SMAD1: variants seen among roughly 807,000 people sequenced by gnomAD.
SMAD1 encodes the protein SMAD family member 1, also known as MAD, mothers against decapentaplegic homolog 1.
A neutral mutation model predicts 41.6 loss-of-function variants in SMAD1; 6 were observed. That is an observed-to-expected ratio of 0.14 (90% CI 0.08 to 0.28). The LOEUF (loss-of-function observed/expected upper bound fraction) is 0.28, where lower values mean the gene tolerates loss of function less well. Ranked by LOEUF, SMAD1 falls within the 10% of genes least tolerant of loss-of-function variation. SMAD1 has a pLI of 1.00. For synonymous variants in SMAD1, 206 were observed against 203.2 expected (o/e 1.01, Z -0.12); for missense variants, 379 against 582.6 (o/e 0.65, Z 3.60).
chr4:145,500,477 A>G (rs980789896), intron 1 of SMAD1, among the ~76,000 whole-genome samples: 5 of 152,084 alleles, frequency 3.3e-5, no homozygotes, highest in East Asian at 3.9e-4. Context: ...GGCTTTTGCA[A>G]TTGCCCTTCT....
intron 2 of SMAD1, among the ~76,000 whole-genome samples, chr4:145,531,189 C>T (rs941135037): frequency 6.6e-6 from 1 of 152,216 alleles, no homozygotes; most frequent in Non-Finnish European, 1.5e-5. Context: ...AGAATCATTT[C>T]TTCAGCGTAA....
intron 5 of SMAD1, among the ~76,000 whole-genome samples, chr4:145,551,140 A>G (rs548969464): frequency 1.3e-5 from 2 of 152,230 alleles, no homozygotes; most frequent in Non-Finnish European, 1.5e-5. Context: ...AAAACATTGT[A>G]AAACTACAAG....
intron 2 of SMAD1, chr4:145,525,925 C>G (rs1180719790): frequency 6.6e-6 from 1 of 152,208 alleles, no homozygotes; most frequent in Non-Finnish European, 1.5e-5. Context: ...CTCCAGTTCT[C>G]TAAATTGTAA....
intron 2 of SMAD1, among the ~76,000 whole-genome samples, chr4:145,517,683 A>C (rs773850641): frequency 1.4e-5 from 1 of 70,156 alleles, no homozygotes. Context: ...CTGAATTTTC[A>C]GTTTATCTAT....
At chr4:145,485,091 C>T (rs1390233540) in intron 1 of SMAD1, among the ~76,000 whole-genome samples, 2 of 152,100 alleles carry the variant, frequency 1.3e-5, no homozygotes, top group Admixed American at 6.5e-5. Context: ...TTTTTTGAGA[C>T]AGGGTCTCTC....
intron 3 of SMAD1, among the ~76,000 whole-genome samples, chr4:145,540,734 C>CAA (rs921011866): frequency 2.0e-4 from 16 of 81,638 alleles, no homozygotes; most frequent in East Asian, 1.7e-3. Flanking sequence ...CAAGCATCTC[C>CAA]AAAAAAAAAA....
intron 4 of SMAD1, among the ~76,000 whole-genome samples, chr4:145,543,992 A>C (rs1560759785): frequency 6.6e-6 from 1 of 152,190 alleles, no homozygotes; most frequent in Non-Finnish European, 1.5e-5. Flanking sequence ...AGTACTTAAA[A>C]TTGATTTTGT....
At position 145,539,968 on chromosome 4, in the gene SMAD1, A is replaced by G. The variant is rs1055612175; in HGVS notation, c.565A>G (p.Asn189Asp). 1.2e-6 allele frequency: 2 copies of G among 1,613,962 alleles called. No homozygotes were observed. Among genetic ancestry groups the G allele is most frequent in the Non-Finnish European group, 1.7e-6 (2 of 1,179,984 alleles). ...PNSHPFPHSPNSSYPNSPGSS... is the reference protein window; with the variant it reads ...PNSHPFPHSPDSSYPNSPGSS... Reference sequence around the variant, plus strand: ...CAGCCACCCGTTTCCTCACTCTCCCAATAGCAGTTACCCAAACTCTCCTGG... The same window carrying G: ...CAGCCACCCGTTTCCTCACTCTCCCGATAGCAGTTACCCAAACTCTCCTGG... Residue 189 changes from asparagine (N) to aspartate (D), a missense_variant, in exon 3 of 7, where the codon AAT becomes GAT. Around this residue, in one of 3 missense-constraint regions of SMAD1, gnomAD observed 208 missense variants for 210.5 expected, o/e 0.99. Transcript: ENST00000302085.
chr4:145,488,293 A>G (rs929492043), intron 1 of SMAD1, among the ~76,000 whole-genome samples: 1 of 152,154 alleles, frequency 6.6e-6, no homozygotes, highest in Non-Finnish European at 1.5e-5. Flanking sequence ...CTGTTTGGGA[A>G]GAGGAGGAGA....
chr4:145,499,959 T>C (rs559613954), intron 1 of SMAD1, among the ~76,000 whole-genome samples: 1 of 152,304 alleles, frequency 6.6e-6, no homozygotes, highest in East Asian at 1.9e-4. Flanking sequence ...AGTCTTACAG[T>C]TCCCATAATA....
At chr4:145,552,096 T>C (rs1732582272) in intron 5 of SMAD1, among the ~76,000 whole-genome samples, 1 of 152,238 alleles carries the variant, frequency 6.6e-6, no homozygotes, top group Non-Finnish European at 1.5e-5. Flanking sequence ...AATTATTGCC[T>C]CTGAGTCACT....
chr4:145,490,393 A>G (rs1288912896), intron 1 of SMAD1, among the ~76,000 whole-genome samples: 1 of 152,240 alleles, frequency 6.6e-6, no homozygotes, highest in Non-Finnish European at 1.5e-5. Flanking sequence ...GAAGATCAGC[A>G]CATGGTAAGG....
Position 145,531,825 on chromosome 4 carries a change from C to CT in SMAD1, c.401-7967dup, listed in dbSNP as rs370589686. ...AACAGGTAGCTTGTGTCCGTTACTT[C>CT]TTTTTTTTTTTTCTGTTACTTCTAT... On this transcript the variant is annotated intron_variant, in intron 2 of 6. Transcript: ENST00000302085. 8.0e-3 allele frequency among the ~76,000 whole-genome samples: 1,171 copies of CT among 145,730 alleles called. 10 individuals carry two copies. Among genetic ancestry groups the CT allele is most frequent in the Admixed American group, 0.014 (211 of 14,590 alleles).
rs1209051647 is a variant in SMAD1, at chr4:145,514,601, T to C, written c.-13T>C. On this transcript the variant is annotated 5_prime_UTR_variant, in exon 2 of 7. Transcript: ENST00000302085. The surrounding 1 kb of genome is among the most constrained non-coding windows in gnomAD (Gnocchi z 4.7). ...TTTCACCATATCCAAGGAGTATAAC[T>C]AGTGCTGTCATTATGAATGTGACAA... The C allele has an allele frequency of 1.9e-6, 3 of 1,584,446 alleles. No individual in the cohort carries two copies. Among genetic ancestry groups the C allele is most frequent in the Non-Finnish European group, 2.6e-6 (3 of 1,167,728 alleles).
chr4:145,547,817 C>T (rs1367943619), intron 5 of SMAD1, among the ~76,000 whole-genome samples: 1 of 152,116 alleles, frequency 6.6e-6, no homozygotes, highest in African/African-American at 2.4e-5. Flanking sequence ...TGTATGTATG[C>T]ATGTTTATGT....
intron 4 of SMAD1, among the ~76,000 whole-genome samples, chr4:145,543,489 T>C (rs1002562388): frequency 1.3e-5 from 2 of 152,220 alleles, no homozygotes; most frequent in Non-Finnish European, 2.9e-5. Context: ...AATTTCTTGC[T>C]ATTTGTTTCT....
At chr4:145,525,607 G>T (rs1167864023) in intron 2 of SMAD1, 4 of 149,842 alleles carry the variant, frequency 2.7e-5, no homozygotes, top group African/African-American at 9.8e-5. Context: ...TTTCCTCTGG[G>T]TTTGGGCTGG....
chr4:145,514,911 C>T lies in SMAD1; in HGVS notation c.298C>T (p.His100Tyr), dbSNP rs1190612353. 1 of 1,613,958 alleles carries T rather than the reference C, an allele frequency of 6.2e-7. No homozygotes were observed. Among genetic ancestry groups the T allele is most frequent in the Admixed American group, 1.7e-5 (1 of 59,996 alleles). Residue 100 changes from histidine (H) to tyrosine (Y), a missense_variant, in exon 2 of 7, where the codon CAC becomes TAC. Coordinates refer to ENST00000302085, the MANE Select transcript of SMAD1 (RefSeq NM_005900.3). The surrounding 1 kb of genome is among the most constrained non-coding windows in gnomAD (Gnocchi z 4.7). ...GTGGCGCTGGCCCGATCTTCAGAGC[C>T]ACCATGAACTAAAACCACTGGAATG... ...RVWRWPDLQS[H>Y]HELKPLECCE... is the part of the protein sequence containing the mutation.
intron 1 of SMAD1, chr4:145,513,378 G>T (rs1426764474): frequency 6.6e-6 from 1 of 152,036 alleles, no homozygotes; most frequent in Non-Finnish European, 1.5e-5. Flanking sequence ...GTTTAGCCAG[G>T]GTTTGTACAA....
Sources: allele counts gnomAD v4.1 joint callset (sites outside exome capture counted in the v4.1 genomes callset), GRCh38; gene constraint gnomAD v4.1.1; regional missense constraint gnomAD v4.1.1; non-coding constraint Gnocchi (gnomAD v3.1); transcripts MANE v1.5; gene names NCBI Gene and HGNC (gene_info 2026-07-23, HGNC 2026-07-21).